VPS8: variants seen among roughly 807,000 people sequenced by gnomAD.
VPS8 encodes the protein vacuolar protein sorting-associated protein 8 homolog.
VPS8 carries 129 observed loss-of-function variants against 216.4 expected under a neutral mutation model. The ratio of observed to expected loss-of-function variants is 0.60; its 90% CI spans 0.52 to 0.69. The LOEUF (loss-of-function observed/expected upper bound fraction) is 0.69. Ranked by LOEUF, VPS8 falls within the 30% of genes least tolerant of loss-of-function variation. VPS8 has a pLI of 0.00. For missense variants in VPS8, 1,531 were observed against 1,683.5 expected (o/e 0.91, Z 1.59); for synonymous variants, 571 against 565.4 (o/e 1.01, Z -0.14).
intron 36 of VPS8, among the ~76,000 whole-genome samples, chr3:184,955,966 A>AC (rs1324694779): frequency 1.1e-4 from 2 of 18,928 alleles, no homozygotes; most frequent in African/African-American, 5.1e-4. Flanking sequence ...GTTATAAGAT[A>AC]CAAAAAAAAA....
intron 45 of VPS8, among the ~76,000 whole-genome samples, chr3:185,015,449 C>T (rs1006178282): frequency 6.6e-6 from 1 of 152,306 alleles, no homozygotes; most frequent in Non-Finnish European, 1.5e-5. Context: ...CATTAACAGG[C>T]ATATCAAAAG....
intron 40 of VPS8, among the ~76,000 whole-genome samples, chr3:184,979,516 T>A (rs1749840882): frequency 6.6e-6 from 1 of 152,268 alleles, no homozygotes; most frequent in African/African-American, 2.4e-5. Context: ...GATACTTAAG[T>A]CTTCTTGTTG....
chr3:184,821,808 T>C (rs1057325409), intron 1 of VPS8, among the ~76,000 whole-genome samples: 2 of 152,134 alleles, frequency 1.3e-5, no homozygotes, highest in African/African-American at 4.8e-5. Flanking sequence ...GCGAGCTGGG[T>C]GGGGAATGTG....
chr3:185,003,999 A>C (rs1363537337), intron 45 of VPS8, among the ~76,000 whole-genome samples: 14 of 136,172 alleles, frequency 1.0e-4, no homozygotes, highest in African/African-American at 3.9e-4. Context: ...CCTAGATGGG[A>C]TGGCGGCCGG....
intron 8 of VPS8, 103 bp from the exon 9 acceptor site, chr3:184,848,968 T>A (rs896672964): frequency 7.8e-7 from 1 of 1,279,424 alleles, no homozygotes; most frequent in African/African-American, 1.5e-5. Context: ...TATCTGCTGC[T>A]TTTGATTCTT....
intron 42 of VPS8, among the ~76,000 whole-genome samples, chr3:184,986,290 A>G (rs993274534): frequency 6.6e-6 from 1 of 152,178 alleles, no homozygotes; most frequent in Non-Finnish European, 1.5e-5. Flanking sequence ...CAAGTTTTTT[A>G]AGTGTGCTCA....
Position 184,852,528 on chromosome 3 carries a change from G to C in VPS8, c.782G>C (p.Cys261Ser). ...KFTDDPTLAI[C>S]NDSGGSVFEL... The stretch of plus-strand genomic sequence containing the variant: ...ACAGATGATCCAACTCTTGCAATTT[G>C]CAACGACAGCGGAGGCTCTGTTTTT... The change falls in exon 11 of 48, where the codon TGC becomes TCC. Residue 261 changes from cysteine to serine, a missense_variant. Physicochemically the swap from Cys to Ser is moderately radical, Grantham distance 112. Coordinates refer to ENST00000625842, the MANE Select transcript of VPS8 (RefSeq NM_001009921.3). 1.9e-6 allele frequency: 3 copies of C among 1,613,574 alleles called. No homozygotes were observed. Among genetic ancestry groups the C allele is most frequent in the Non-Finnish European group, 2.5e-6 (3 of 1,179,676 alleles).
intron 45 of VPS8, among the ~76,000 whole-genome samples, chr3:185,004,728 ATTTG>A (rs1206407222): frequency 2.6e-5 from 4 of 150,966 alleles, no homozygotes; most frequent in Non-Finnish European, 5.9e-5. Flanking sequence ...TTTCTTGCTG[ATTTG>A]TTTGAGTTCC....
intron 21 of VPS8, chr3:184,885,858 G>T (rs1731124566): frequency 5.9e-6 from 2 of 340,386 alleles, no homozygotes; most frequent in Admixed American, 4.4e-5. Context: ...GAAAGATGCA[G>T]TGAACACCTT....
chr3:185,043,401 C>A (rs1577266073), intron 46 of VPS8, among the ~76,000 whole-genome samples: 1 of 152,202 alleles, frequency 6.6e-6, no homozygotes, highest in African/African-American at 2.4e-5. Flanking sequence ...CCTTCCCAGC[C>A]CTTCCCTCAC....
intron 46 of VPS8, among the ~76,000 whole-genome samples, chr3:185,035,458 G>T (rs779055101): frequency 6.6e-6 from 1 of 152,130 alleles, no homozygotes; most frequent in Non-Finnish European, 1.5e-5. Context: ...TTCAATATAT[G>T]CAAATGAATA....
chr3:184,821,629 G>A (rs993424250), intron 1 of VPS8, among the ~76,000 whole-genome samples: 1 of 152,104 alleles, frequency 6.6e-6, no homozygotes, highest in African/African-American at 2.4e-5. Context: ...AGGATTACAG[G>A]TGTGAGGCAC....
At chr3:184,851,360 A>C (rs1044319853) in intron 10 of VPS8, among the ~76,000 whole-genome samples, 1 of 152,178 alleles carries the variant, frequency 6.6e-6, no homozygotes, top group African/African-American at 2.4e-5. Context: ...GAAGTCTTCT[A>C]CTGACATCAG....
intron 22 of VPS8, among the ~76,000 whole-genome samples, chr3:184,886,787 G>A (rs949784897): frequency 2.0e-5 from 3 of 151,928 alleles, no homozygotes; most frequent in African/African-American, 7.3e-5. Flanking sequence ...CACCATGTTG[G>A]CCAGGCTGGT....
intron 40 of VPS8, among the ~76,000 whole-genome samples, chr3:184,980,520 T>C (rs1750026173): frequency 6.6e-6 from 1 of 152,180 alleles, no homozygotes. Flanking sequence ...TTTTTGCCTT[T>C]ATTTTTTATT....
chr3:185,003,474 G>A lies in VPS8; in HGVS notation c.4002+3613G>A, dbSNP rs1451650595. Among the ~76,000 whole-genome samples the A allele has an allele frequency of 1.3e-4, 19 of 145,732 alleles. No individual in the cohort carries two copies. In the South Asian group the frequency reaches 1.4e-3, roughly 10 times the overall value. On this transcript the variant is annotated intron_variant, in intron 45 of 47. Transcript: ENST00000625842. Reference sequence around the variant, plus strand: ...TCAGAGAGCACAGGGTTGGGGGTAAGGTCATAGATCAACAGGATCCCAAGG... The same window carrying A: ...TCAGAGAGCACAGGGTTGGGGGTAAAGTCATAGATCAACAGGATCCCAAGG...
chr3:185,048,519 C>T lies in VPS8; in HGVS notation c.4097C>T (p.Ala1366Val). 2 of 1,613,998 alleles carry T rather than the reference C, an allele frequency of 1.2e-6. No homozygotes were observed. Among genetic ancestry groups the T allele is most frequent in the Non-Finnish European group, 1.7e-6 (2 of 1,179,898 alleles). ...EPVLDPQQIQAFDQLCRLYRG... is the reference protein window; with the variant it reads ...EPVLDPQQIQVFDQLCRLYRG... ...GTTCTGGATCCACAGCAAATCCAAGCATTTGATCAGCTTTGCCGTCTCTAC... is the reference window on the plus strand; with the variant it reads ...GTTCTGGATCCACAGCAAATCCAAGTATTTGATCAGCTTTGCCGTCTCTAC... The change falls in exon 47 of 48, where the codon GCA (alanine) becomes GTA (valine). Residue 1366 changes from alanine to valine, a missense_variant. Physicochemically the swap from Ala to Val is moderately conservative, Grantham distance 64. Transcript: ENST00000625842.
intron 40 of VPS8, among the ~76,000 whole-genome samples, chr3:184,976,904 A>ATAGTGCTGCAG (rs1749364589): frequency 6.6e-6 from 1 of 152,028 alleles, no homozygotes; most frequent in African/African-American, 2.4e-5. Flanking sequence ...TGCTATTGTG[A>ATAGTGCTGCAG]TAGTGCTGCA....
At chr3:184,997,318 G>T (rs951539057) in intron 44 of VPS8, among the ~76,000 whole-genome samples, 1 of 152,180 alleles carries the variant, frequency 6.6e-6, no homozygotes, top group Non-Finnish European at 1.5e-5. Context: ...CCTTGGACAA[G>T]TTATTTAACC....
Sources: allele counts gnomAD v4.1 joint callset (sites outside exome capture counted in the v4.1 genomes callset), GRCh38; gene constraint gnomAD v4.1.1; transcripts MANE v1.5; gene names NCBI Gene and HGNC (gene_info 2026-07-23, HGNC 2026-07-21).